Variants in RPSA2 observed in about 807,000 individuals in gnomAD.
The protein encoded by RPSA2 is ribosomal protein SA 2.
the RPSA2 span, among the ~76,000 whole-genome samples, chr19:23,840,957 C>A: frequency 1.5e-5 from 1 of 66,020 alleles, no homozygotes; most frequent in East Asian, 4.4e-4. Context: ...AACAAAACTC[C>A]GTCTCAAAAA....
chr19:23,773,878 A>G, the RPSA2 span, among the ~76,000 whole-genome samples: 5 of 152,172 alleles, frequency 3.3e-5, no homozygotes, highest in African/African-American at 1.2e-4. Flanking sequence ...CTTAGACACA[A>G]TATATAGGAA....
chr19:23,862,124 A>T, the RPSA2 span, among the ~76,000 whole-genome samples: 1 of 151,896 alleles, frequency 6.6e-6, no homozygotes, highest in African/African-American at 2.4e-5. Context: ...TAGGTATTTT[A>T]TTCTCTTTGA....
chr19:23,758,713 C>T, the RPSA2 span: 1 of 1,614,188 alleles, frequency 6.2e-7, no homozygotes. Context: ...CAGCCCCTTC[C>T]CCTCTCTCGG....
chr19:23,838,556 TG>T, the RPSA2 span, among the ~76,000 whole-genome samples: 1,523 of 152,288 alleles, frequency 0.01, 25 homozygotes, highest in African/African-American at 0.035. Flanking sequence ...TTTTTGTTGG[TG>T]GTAAGTTTTA....
At chr19:23,810,463 T>A in the RPSA2 span, among the ~76,000 whole-genome samples, 72 of 140,718 alleles carry the variant, frequency 5.1e-4, no homozygotes, top group East Asian at 0.015. Flanking sequence ...TTTCATTTAA[T>A]TTTTGGACAG....
the RPSA2 span, chr19:23,819,453 A>C: frequency 6.6e-6 from 1 of 152,218 alleles, no homozygotes; most frequent in African/African-American, 2.4e-5. Context: ...CAACTTTAGC[A>C]GCAGTGAGTA....
At chr19:23,860,182 A>G in the RPSA2 span, among the ~76,000 whole-genome samples, 1 of 152,150 alleles carries the variant, frequency 6.6e-6, no homozygotes, top group Non-Finnish European at 1.5e-5. Flanking sequence ...ATAACACCCT[A>G]CAGAGCTGAG....
At chr19:23,850,488 T>C in the RPSA2 span, among the ~76,000 whole-genome samples, 1 of 147,938 alleles carries the variant, frequency 6.8e-6, no homozygotes, top group Non-Finnish European at 1.5e-5. Context: ...TTTTGATTTG[T>C]GTGCCAGTTT....
chr19:23,824,686 A>G, the RPSA2 span, among the ~76,000 whole-genome samples: 1 of 143,328 alleles, frequency 7.0e-6, no homozygotes, highest in South Asian at 2.2e-4. Context: ...GGCATGAGCC[A>G]TGGTGCCTGG....
the RPSA2 span, among the ~76,000 whole-genome samples, chr19:23,838,819 G>T: frequency 2.0e-5 from 3 of 151,932 alleles, no homozygotes; most frequent in Non-Finnish European, 4.4e-5. Flanking sequence ...TCTCAGTGAG[G>T]TTATTTGGAT....
chr19:23,761,903 T>TCCTTCCTTC, the RPSA2 span, among the ~76,000 whole-genome samples: 2 of 35,594 alleles, frequency 5.6e-5, no homozygotes, highest in African/African-American at 2.1e-4. Flanking sequence ...GTAACGTAAT[T>TCCTTCCTTC]CTTTCTTTCT....
the RPSA2 span, among the ~76,000 whole-genome samples, chr19:23,797,174 A>C: frequency 6.6e-6 from 1 of 152,150 alleles, no homozygotes; most frequent in South Asian, 2.1e-4. Context: ...CAATGGCACG[A>C]TCTCAACTCA....
chr19:23,820,287 G>A, the RPSA2 span, among the ~76,000 whole-genome samples: 13 of 152,294 alleles, frequency 8.5e-5, no homozygotes, highest in African/African-American at 2.6e-4. Context: ...CTCTAGTGCC[G>A]TTTTTCCCAT....
the RPSA2 span, among the ~76,000 whole-genome samples, chr19:23,857,741 C>T: frequency 6.6e-6 from 1 of 152,052 alleles, no homozygotes; most frequent in Non-Finnish European, 1.5e-5. Flanking sequence ...ATGATCCACC[C>T]ACCTTGGCCT....
the RPSA2 span, among the ~76,000 whole-genome samples, chr19:23,868,752 C>T: frequency 1.3e-5 from 2 of 152,270 alleles, no homozygotes; most frequent in South Asian, 4.1e-4. Flanking sequence ...TATGTTTTTA[C>T]AGCAGATGGA....
chr19:23,806,137 C>T, the RPSA2 span, among the ~76,000 whole-genome samples: 5 of 150,036 alleles, frequency 3.3e-5, no homozygotes, highest in East Asian at 6.0e-4. Context: ...CTCCACATCC[C>T]GGGTTCAAGC....
At chr19:23,851,149 T>A in the RPSA2 span, among the ~76,000 whole-genome samples, 2 of 152,176 alleles carry the variant, frequency 1.3e-5, no homozygotes, top group African/African-American at 4.8e-5. Context: ...TACAGAAACA[T>A]GTACATATGA....
the RPSA2 span, chr19:23,808,810 C>G: frequency 1.1e-6 from 1 of 889,184 alleles, no homozygotes; most frequent in East Asian, 5.1e-5. Flanking sequence ...TGGATGAACC[C>G]CCAGGTAGGT....
At chr19:23,861,437 C>T in the RPSA2 span, among the ~76,000 whole-genome samples, 28 of 152,156 alleles carry the variant, frequency 1.8e-4, no homozygotes, top group Non-Finnish European at 3.1e-4. Context: ...TCCATGCCCA[C>T]CATTTTTCAC....
Sources: allele counts gnomAD v4.1 joint callset (sites outside exome capture counted in the v4.1 genomes callset), GRCh38; gene constraint gnomAD v4.1.1; transcripts MANE v1.5; gene names NCBI Gene and HGNC (gene_info 2026-07-23, HGNC 2026-07-21).